The following MYOF variants were observed in gnomAD, a reference collection of about 807,000 sequenced individuals.
The protein encoded by MYOF is myoferlin.
A neutral mutation model predicts 284.2 loss-of-function variants in MYOF; 244 were observed. That is an observed-to-expected ratio of 0.86 (90% confidence interval 0.77 to 0.95). MYOF has a LOEUF of 0.95. Among genes scored for constraint, MYOF ranks in the 40% least tolerant of loss-of-function variants. The probability of loss-of-function intolerance (pLI) is 0.00; values close to 1 mark genes in which losing one functional copy is unlikely to be tolerated. For synonymous variants in MYOF, 904 were observed against 919.7 expected (o/e 0.98, Z 0.31); for missense variants, 2,496 against 2,560.6 (o/e 0.97, Z 0.54).
At chr10:93,441,077 G>A (rs980494722) in intron 3 of MYOF, among the ~76,000 whole-genome samples, 1 of 152,160 alleles carries the variant, frequency 6.6e-6, no homozygotes, top group Non-Finnish European at 1.5e-5. Context: ...TTTTTGTACA[G>A]CCTGAGAAGC....
rs765707385 is a variant in MYOF at position 93,355,766 on chromosome 10, G to A, written c.3295-30C>T. ...AGTCAATTAACAGAGTCAATTAGCA[G>A]AGAAGTCAATAAACACTGCCTAAAA... On this transcript the variant is annotated intron_variant, in intron 30 of 53. Coordinates refer to ENST00000359263, the MANE Select transcript of MYOF (RefSeq NM_013451.4). 8 of 1,560,186 alleles carry A rather than the reference G, an allele frequency of 5.1e-6. No individual in the cohort carries two copies. In the African/African-American group the frequency reaches 9.5e-5, roughly 18 times the overall value.
At chr10:93,420,409 T>C (rs956169839) in intron 5 of MYOF, among the ~76,000 whole-genome samples, 1 of 152,184 alleles carries the variant, frequency 6.6e-6, no homozygotes, top group African/African-American at 2.4e-5. Flanking sequence ...GGAACAGTCT[T>C]CCAGGGGGGT....
At chr10:93,392,221 G>T (rs1055482773) in intron 17 of MYOF, among the ~76,000 whole-genome samples, 4 of 152,184 alleles carry the variant, frequency 2.6e-5, no homozygotes, top group African/African-American at 9.7e-5. Flanking sequence ...CACAGCTTCA[G>T]AGTTTGCAAA....
Position 93,325,873 on chromosome 10 carries a change from C to G in MYOF, c.5224G>C (p.Val1742Leu). ...LRTQGLVPEH[V>L]ETRTLHSTFQ... ...GTGCTGTGCAAAGTCCTTGTTTCCA[C>G]GTGCTCAGGGACCAGCCCCTGAGTC... Residue 1742 changes from valine (V) to leucine (L), a missense_variant, in exon 46 of 54, where the codon GTG becomes CTG. Physicochemically the swap from Val to Leu is conservative, Grantham distance 32 (BLOSUM62 1). Transcript: ENST00000359263. 1 of 1,614,008 alleles carries G rather than the reference C, an allele frequency of 6.2e-7. No individual in the cohort carries two copies. The highest frequency in any genetic ancestry group is 8.5e-7 in the Non-Finnish European group (1 of 1,179,998).
intron 16 of MYOF, among the ~76,000 whole-genome samples, chr10:93,394,740 G>T (rs1005150549): frequency 5.4e-5 from 8 of 148,928 alleles, no homozygotes; most frequent in South Asian, 2.1e-4. Flanking sequence ...GATTACAGGA[G>T]TGAGCCACTG....
At chr10:93,408,385 A>G (rs750958251) in intron 7 of MYOF, among the ~76,000 whole-genome samples, 1 of 152,006 alleles carries the variant, frequency 6.6e-6, no homozygotes, top group Non-Finnish European at 1.5e-5. Context: ...TGAAAATATA[A>G]AATTAGCCAG....
chr10:93,330,002 T>C (rs977713361), intron 43 of MYOF, among the ~76,000 whole-genome samples, 168 bp from the exon 44 acceptor site: 2 of 152,088 alleles, frequency 1.3e-5, no homozygotes, highest in African/African-American at 2.4e-5. Context: ...AAATAGTACA[T>C]ACTAGAAATA....
At chr10:93,468,640 C>T (rs560321846) in intron 1 of MYOF, among the ~76,000 whole-genome samples, 32 of 152,354 alleles carry the variant, frequency 2.1e-4, no homozygotes, top group South Asian at 4.1e-4. Context: ...AATTTAACCT[C>T]AGCTTCAGAC....
chr10:93,306,776 A>T lies in MYOF; in HGVS notation c.*187T>A. ...CTTTTAATACTTAAGAGATAACATGATGCAAACGTTGCTTGTTGGCCTGAC... is the reference window on the plus strand; with the variant it reads ...CTTTTAATACTTAAGAGATAACATGTTGCAAACGTTGCTTGTTGGCCTGAC... On this transcript the variant is annotated 3_prime_UTR_variant, in exon 54 of 54. Transcript: ENST00000359263. 1.6e-6 allele frequency: 1 copy of T among 632,174 alleles called. No homozygotes were observed. The highest frequency in any genetic ancestry group is 1.9e-5 in the African/African-American group (1 of 53,188). 39.2% of individuals were successfully genotyped at this position (632,174 alleles called of 1,614,324 possible). A position where few individuals can be genotyped will look rare whatever the true frequency, so the allele number is the denominator to read the frequency against.
chr10:93,449,979 C>A (rs1014673864), intron 3 of MYOF, among the ~76,000 whole-genome samples: 1 of 151,694 alleles, frequency 6.6e-6, no homozygotes, highest in African/African-American at 2.4e-5. Flanking sequence ...CTGGAGTGAC[C>A]ATCTAATTTA....
chr10:93,335,168 C>T (rs751077161), intron 41 of MYOF, among the ~76,000 whole-genome samples: 7 of 152,232 alleles, frequency 4.6e-5, no homozygotes, highest in African/African-American at 9.6e-5. Context: ...AGTAGGACTT[C>T]GTCAGACCAC....
At position 93,398,360 on chromosome 10, in the gene MYOF, C is replaced by T. The variant is rs928615228; in HGVS notation, c.1222-904G>A. Among the ~76,000 whole-genome samples the T allele has an allele frequency of 2.6e-5, 4 of 152,222 alleles. No individual in the cohort carries two copies. The South Asian group carries it at 8.3e-4, about 32-fold the overall frequency. The stretch of plus-strand genomic sequence containing the variant: ...CACTCCTCCCCTGCACCAATCACTT[C>T]TTGTCCCTGCTTTGTTTTCTTTGTA... On this transcript the variant is annotated intron_variant, in intron 13 of 53. Transcript: ENST00000359263.
chr10:93,382,756 C>A (rs1368298065), intron 19 of MYOF, among the ~76,000 whole-genome samples: 1 of 152,180 alleles, frequency 6.6e-6, no homozygotes, highest in Non-Finnish European at 1.5e-5. Flanking sequence ...AAGAGCCATG[C>A]AATGGTTTAG....
chr10:93,316,302 A>G (rs921428857), intron 50 of MYOF, among the ~76,000 whole-genome samples: 1 of 151,660 alleles, frequency 6.6e-6, no homozygotes, highest in African/African-American at 2.4e-5. Context: ...CCCTTACCAC[A>G]GAGGAGAATG....
At position 93,387,901 on chromosome 10, in the gene MYOF, C is replaced by T. The variant is rs751474477; in HGVS notation, c.1594G>A (p.Ala532Thr). The T allele has an allele frequency of 2.5e-6, 4 of 1,613,470 alleles. No individual in the cohort carries two copies. The highest frequency in any genetic ancestry group is 3.4e-6 in the Non-Finnish European group (4 of 1,179,490). Residue 532 changes from alanine (A) to threonine (T), a missense_variant, in exon 19 of 54, where the codon GCC becomes ACC. Physicochemically the swap from Ala to Thr is moderately conservative, Grantham distance 58 (BLOSUM62 0). This residue lies in a region of MYOF where 2,436 missense variants were observed against 2,480.7 expected (regional missense o/e 0.98). Coordinates refer to ENST00000359263, the MANE Select transcript of MYOF (RefSeq NM_013451.4). ...ELNTGKGEGV[A>T]YRGRILVELA... ...TCAACCAAGATCCTGCCTCTGTAGG[C>T]AACTCCTTCCCCCTGAAAGGCAATA...
chr10:93,349,738 T>G, intron 36 of MYOF, 70 bp downstream of exon 36: 1 of 1,536,114 alleles, frequency 6.5e-7, no homozygotes, highest in Non-Finnish European at 8.9e-7. Flanking sequence ...TGTGTTTGTG[T>G]GTGTGTGTGT....
chr10:93,426,262 A>G, intron 4 of MYOF, 104 bp from the exon 5 acceptor site: 1 of 1,138,772 alleles, frequency 8.8e-7, no homozygotes, highest in Non-Finnish European at 1.3e-6. Context: ...TGGAAGGGGT[A>G]AGAGAGAGGG....
rs1349065140 is a variant in MYOF, at chr10:93,389,034, C to T, written c.1577G>A (p.Gly526Glu). The T allele has an allele frequency of 6.2e-7, 1 of 1,612,068 alleles. No homozygotes were observed. The highest frequency in any genetic ancestry group is 8.5e-7 in the Non-Finnish European group (1 of 1,179,508). ...CACCTTAATTGAGAAACCAACCTTTCCAGTATTCAGCTCATCATAGGGGTC... is the reference window on the plus strand; with the variant it reads ...CACCTTAATTGAGAAACCAACCTTTTCAGTATTCAGCTCATCATAGGGGTC... ...FPDPYDELNT[G>E]KGEGVAYRGR... is the part of the protein sequence containing the mutation. Residue 526 changes from glycine (G) to glutamate (E), a missense_variant, in exon 18 of 54, where the codon GGA becomes GAA. Around this residue, in one of 3 missense-constraint regions of MYOF, gnomAD observed 2,436 missense variants for 2,480.7 expected, o/e 0.98. Transcript: ENST00000359263.
Position 93,451,900 on chromosome 10 carries a change from T to C in MYOF, c.236+150A>G. On this transcript the variant is annotated intron_variant, in intron 3 of 53. Transcript: ENST00000359263. ...GCTGTGATGGATTAGCCACATCTGC[T>C]ATTGGCTTAGAAGGGAGCGGGGCAT... 5 of 668,918 alleles carry C rather than the reference T, an allele frequency of 7.5e-6. No homozygotes were observed. In the South Asian group the frequency reaches 9.4e-5, roughly 13 times the overall value. The allele number at this position is 668,918 out of a possible 1,614,324, so 41.4% of individuals were successfully genotyped here.
Sources: allele counts gnomAD v4.1 joint callset (sites outside exome capture counted in the v4.1 genomes callset), GRCh38; gene constraint gnomAD v4.1.1; regional missense constraint gnomAD v4.1.1; transcripts MANE v1.5; gene names NCBI Gene and HGNC (gene_info 2026-07-23, HGNC 2026-07-21).